ZNF532: variants seen among roughly 807,000 people sequenced by gnomAD.
ZNF532 encodes zinc finger protein 532.
ZNF532 carries 22 observed loss-of-function variants against 89.3 expected under a neutral mutation model. That is an observed-to-expected ratio of 0.25 (90% CI 0.18 to 0.35). The LOEUF (loss-of-function observed/expected upper bound fraction) is 0.35. ZNF532 is among the 10% of genes least tolerant of loss of function. The pLI, the probability that ZNF532 is intolerant of heterozygous loss-of-function variation, is 1.00. For missense variants in ZNF532, 1,132 were observed against 1,643.4 expected (o/e 0.69, Z 5.38); for synonymous variants, 606 against 649.6 (o/e 0.93, Z 1.02).
At chr18:58,946,879 C>T (rs2063710825) in intron 5 of ZNF532, among the ~76,000 whole-genome samples, 1 of 152,064 alleles carries the variant, frequency 6.6e-6, no homozygotes, top group African/African-American at 2.4e-5. Context: ...AAAGTTACAT[C>T]TGTAACTTTG....
At chr18:58,888,821 ATATAAAT>A (rs1283158466) in intron 2 of ZNF532, among the ~76,000 whole-genome samples, 6 of 49,362 alleles carry the variant, frequency 1.2e-4, no homozygotes, top group African/African-American at 6.6e-4. Flanking sequence ...AAAATTATAT[ATATAAAT>A]TATATATATA....
chr18:58,959,384 C>G (rs571767153), intron 7 of ZNF532, among the ~76,000 whole-genome samples: 1 of 151,306 alleles, frequency 6.6e-6, no homozygotes, highest in African/African-American at 2.4e-5. Flanking sequence ...GCAGTCCTCC[C>G]GAGTAGCTAG....
chr18:58,888,811 AAAAT>A (rs1251345187), intron 2 of ZNF532, among the ~76,000 whole-genome samples: 1 of 42,750 alleles, frequency 2.3e-5, no homozygotes, highest in African/African-American at 1.4e-4. Context: ...ATATATATAA[AAAAT>A]TATATATATA....
chr18:58,907,567 C>T (rs552743366), intron 2 of ZNF532, among the ~76,000 whole-genome samples: 16 of 151,950 alleles, frequency 1.1e-4, no homozygotes, highest in South Asian at 4.2e-4. Context: ...GCGATCCCGG[C>T]GGAGAAGTTT....
At chr18:58,916,681 G>GT (rs370946902) in intron 2 of ZNF532, 14 of 985,162 alleles carry the variant, frequency 1.4e-5, no homozygotes, top group Non-Finnish European at 1.7e-5. Flanking sequence ...TTCAACAGTA[G>GT]TTTTTTCTAA....
At chr18:58,888,893 A>G (rs9962932) in intron 2 of ZNF532, among the ~76,000 whole-genome samples, 1 of 52,460 alleles carries the variant, frequency 1.9e-5, no homozygotes, top group Non-Finnish European at 2.8e-5. Flanking sequence ...TATATATTTT[A>G]TATATATATA....
intron 2 of ZNF532, among the ~76,000 whole-genome samples, chr18:58,878,468 C>G (rs562420280): frequency 9.5e-4 from 144 of 152,278 alleles, no homozygotes; most frequent in Non-Finnish European, 1.6e-3. Context: ...GAGAGGCCCC[C>G]CTGAAGGACT....
At chr18:58,893,527 G>A (rs539487262) in intron 2 of ZNF532, among the ~76,000 whole-genome samples, 6 of 151,636 alleles carry the variant, frequency 4.0e-5, no homozygotes, top group East Asian at 3.9e-4. Flanking sequence ...GTGGTGGCTC[G>A]TGCCTGTAAT....
chr18:58,983,916 T>G (rs1042331670), intron 9 of ZNF532, 56 bp from the exon 10 acceptor site: 16 of 1,546,768 alleles, frequency 1.0e-5, no homozygotes, highest in African/African-American at 1.4e-5. Flanking sequence ...CGATCATTTA[T>G]CAACCACCGT....
chr18:58,958,246 T>C (rs2065001000), intron 7 of ZNF532, among the ~76,000 whole-genome samples: 1 of 152,198 alleles, frequency 6.6e-6, no homozygotes, highest in African/African-American at 2.4e-5. Context: ...TAAAAAAATA[T>C]TGACAGATAT....
chr18:58,910,392 G>A (rs1450155172), intron 2 of ZNF532, among the ~76,000 whole-genome samples: 1 of 151,846 alleles, frequency 6.6e-6, no homozygotes, highest in Admixed American at 6.6e-5. Context: ...AATTACAGTT[G>A]GTCTTAATTT....
chr18:58,931,941 A>AAAC (rs1161167146), intron 3 of ZNF532, among the ~76,000 whole-genome samples: 3 of 152,210 alleles, frequency 2.0e-5, no homozygotes, highest in Non-Finnish European at 4.4e-5. Flanking sequence ...CACTATCTCA[A>AAAC]AACAACAACA....
At chr18:58,893,117 T>A (rs186305803) in intron 2 of ZNF532, among the ~76,000 whole-genome samples, 1 of 152,128 alleles carries the variant, frequency 6.6e-6, no homozygotes, top group East Asian at 1.9e-4. Flanking sequence ...TAGCTGGGAT[T>A]ACAGGCGTGT....
intron 2 of ZNF532, among the ~76,000 whole-genome samples, chr18:58,897,811 G>C (rs1358289773): frequency 6.6e-6 from 1 of 152,186 alleles, no homozygotes; most frequent in Non-Finnish European, 1.5e-5. Context: ...AAATTAGCCA[G>C]GAGTAGTGGC....
At chr18:58,947,741 A>T (rs1603270688) in intron 5 of ZNF532, among the ~76,000 whole-genome samples, 1 of 151,886 alleles carries the variant, frequency 6.6e-6, no homozygotes, top group Admixed American at 6.6e-5. Flanking sequence ...AAAAAAAAGG[A>T]TGCTTTTGCT....
intron 2 of ZNF532, among the ~76,000 whole-genome samples, chr18:58,911,799 C>T (rs567046840): frequency 9.3e-4 from 141 of 152,322 alleles, no homozygotes; most frequent in African/African-American, 2.8e-3. Flanking sequence ...GCTACAGGCA[C>T]GCCCTCAATT....
chr18:58,954,288 C>T, intron 7 of ZNF532: 1 of 987,100 alleles, frequency 1.0e-6, no homozygotes, highest in Non-Finnish European at 1.2e-6. Context: ...AACTCCAAGT[C>T]ACTGAAAAAT....
In ZNF532 at chr18:58,981,270, A is replaced by T. The variant is rs528844127; in HGVS notation, c.3264-200A>T. The T allele has an allele frequency of 1.8e-4, 114 of 637,832 alleles. 1 individual carries two copies. In the East Asian group the frequency reaches 3.0e-3, roughly 17 times the overall value. The allele number at this position is 637,832 out of a possible 1,614,324, so 39.5% of individuals were successfully genotyped here. On this transcript the variant is annotated intron_variant, in intron 8 of 9. Coordinates refer to ENST00000591808, the MANE Select transcript of ZNF532 (RefSeq NM_001375912.1). ...TTTTGAAATGCAATATTTTCCCTTT[A>T]AAATTAAAGCCATCTAGACCTGTAA...
chr18:58,876,235 C>T (rs371543661), intron 2 of ZNF532, among the ~76,000 whole-genome samples: 2 of 152,126 alleles, frequency 1.3e-5, no homozygotes, highest in Admixed American at 6.6e-5. Flanking sequence ...CGCCCAGCCT[C>T]ACTTGGGGAT....
Sources: allele counts gnomAD v4.1 joint callset (sites outside exome capture counted in the v4.1 genomes callset), GRCh38; gene constraint gnomAD v4.1.1; transcripts MANE v1.5; gene names NCBI Gene and HGNC (gene_info 2026-07-23, HGNC 2026-07-21).